Variants in DNAH8 observed in about 807,000 individuals in gnomAD.
DNAH8 encodes axonemal beta dynein heavy chain 8.
In DNAH8, 382 loss-of-function variants were observed where a neutral mutation model predicts 562.1. That is an observed-to-expected ratio of 0.68 (90% CI 0.63 to 0.74). DNAH8 has a LOEUF of 0.74. Among genes scored for constraint, DNAH8 ranks in the 30% least tolerant of loss-of-function variants. The pLI, the probability that DNAH8 is intolerant of heterozygous loss-of-function variation, is 0.00. For synonymous variants in DNAH8, 1,881 were observed against 1,919.4 expected, an observed-to-expected ratio of 0.98 and a Z score of 0.52; for missense variants, 5,203 against 5,620.4, an observed-to-expected ratio of 0.93 and a Z score of 2.37.
intron 83 of DNAH8, among the ~76,000 whole-genome samples, chr6:38,972,795 G>A (rs926896393): frequency 6.6e-6 from 1 of 152,162 alleles, no homozygotes; most frequent in African/African-American, 2.4e-5. Context: ...AACACAGAGT[G>A]GGGAACCAGA....
Position 38,918,083 on chromosome 6 carries a change from T to G in DNAH8, c.10467T>G (p.Ser3489=), listed in dbSNP as rs1256232646. The G allele has an allele frequency of 6.2e-7, 1 of 1,613,902 alleles. No individual in the cohort carries two copies. The highest frequency in any genetic ancestry group is 8.5e-7 in the Non-Finnish European group (1 of 1,179,894). ...GTGGGAATGTGGCTGGTCTCCTGTCTTGGACACTTGCTATGGCAATATTTT... is the reference window on the plus strand; with the variant it reads ...GTGGGAATGTGGCTGGTCTCCTGTCGTGGACACTTGCTATGGCAATATTTT... ...KVCGNVAGLL[S]WTLAMAIFYG... Residue 3489 remains serine, a synonymous_variant, in exon 70 of 93, where the codon TCT becomes TCG. Transcript: ENST00000327475.
intron 53 of DNAH8, among the ~76,000 whole-genome samples, chr6:38,878,421 G>A (rs2395709): frequency 0.43 from 65,937 of 151,790 alleles, 15,238 homozygotes; most frequent in East Asian, 0.84. Context: ...AATAAGTTAG[G>A]AAAAGAAAAG....
At chr6:38,827,712 A>AACTGCAG (rs1773465145) in intron 29 of DNAH8, among the ~76,000 whole-genome samples, 1 of 100,096 alleles carries the variant, frequency 1.0e-5, no homozygotes, top group Non-Finnish European at 2.1e-5. Flanking sequence ...CCTGACTGCA[A>AACTGCAG]AAGCTTAATT....
chr6:38,783,040 G>C lies in DNAH8; in HGVS notation c.2296G>C (p.Ala766Pro). 6.2e-7 allele frequency: 1 copy of C among 1,613,866 alleles called. No homozygotes were observed. The highest frequency in any genetic ancestry group is 8.5e-7 in the Non-Finnish European group (1 of 1,179,786). The change falls in exon 17 of 93, where the codon GCT becomes CCT. Residue 766 changes from alanine to proline, a missense_variant. By Grantham distance (27) the Ala-to-Pro change is conservative. Around this residue, in one of 6 missense-constraint regions of DNAH8, gnomAD observed 2,176 missense variants for 2,365.1 expected, o/e 0.92. Transcript: ENST00000327475. ...SDILSSPDGK[A>P]VIRQYNKISY... is the part of the protein sequence containing the mutation. ...CATTTTATCAAGTCCGGACGGTAAA[G>C]CTGTCATCCGTCAGTATAACAAGAT... is the stretch of plus-strand genomic sequence containing the variant.
chr6:38,966,663 G>T (rs1377555685), intron 82 of DNAH8, among the ~76,000 whole-genome samples: 1 of 152,146 alleles, frequency 6.6e-6, no homozygotes, highest in Non-Finnish European at 1.5e-5. Context: ...AGGAGTATGA[G>T]ATTGGTTAAA....
At chr6:38,954,343 A>G (rs1161533966) in intron 82 of DNAH8, among the ~76,000 whole-genome samples, 1 of 152,240 alleles carries the variant, frequency 6.6e-6, no homozygotes, top group Non-Finnish European at 1.5e-5. Context: ...GGGAAAACTG[A>G]TATAACAATA....
At chr6:38,724,889 G>A (rs1763078706) in intron 3 of DNAH8, among the ~76,000 whole-genome samples, 1 of 152,034 alleles carries the variant, frequency 6.6e-6, no homozygotes, top group Admixed American at 6.5e-5. Flanking sequence ...GGGTGAGGTG[G>A]GGTTGTGGTG....
intron 42 of DNAH8, among the ~76,000 whole-genome samples, chr6:38,858,022 C>T (rs1776339107): frequency 6.6e-6 from 1 of 152,164 alleles, no homozygotes; most frequent in Non-Finnish European, 1.5e-5. Context: ...TAATTTAGGT[C>T]ATAAGCTATG....
At chr6:38,737,671 G>A (rs1305592190) in intron 6 of DNAH8, 138 bp from the exon 7 acceptor site, 3 of 298,580 alleles carry the variant, frequency 1.0e-5, no homozygotes, top group Non-Finnish European at 1.7e-5. Flanking sequence ...AGTAATTAGA[G>A]CTTAAAAGTA....
rs1467547966 is a variant in DNAH8 at position 38,781,362 on chromosome 6, A to G, written c.2248A>G (p.Asn750Asp). The change falls in exon 16 of 93, where the codon AAT (asparagine) becomes GAT (aspartate). Residue 750 changes from asparagine (N) to aspartate (D), a missense_variant. Around this residue, in one of 6 missense-constraint regions of DNAH8, gnomAD observed 2,176 missense variants for 2,365.1 expected, o/e 0.92. Coordinates refer to ENST00000327475, the MANE Select transcript of DNAH8 (RefSeq NM_001206927.2). ...QLYRRISEPI[N>D]YFFKNSDILS... ...CTATCGCCGGATAAGTGAGCCCATC[A>G]ATTATTTCTTTGTAAGCCAAGAATT... 1.9e-6 allele frequency: 3 copies of G among 1,613,040 alleles called. No homozygotes were observed. The East Asian group carries it at 6.7e-5, about 36-fold the overall frequency.
chr6:38,782,322 C>T (rs191378294), intron 16 of DNAH8, among the ~76,000 whole-genome samples: 1 of 151,722 alleles, frequency 6.6e-6, no homozygotes, highest in African/African-American at 2.4e-5. Flanking sequence ...GCTCTCTCGC[C>T]CAGGCTGGAG....
intron 92 of DNAH8, among the ~76,000 whole-genome samples, chr6:39,027,604 G>T (rs950558197): frequency 6.6e-6 from 1 of 152,344 alleles, no homozygotes; most frequent in East Asian, 1.9e-4. Flanking sequence ...AAGGCGGGAG[G>T]ATCACTTGAG....
Position 38,747,391 on chromosome 6 carries a change from T to C in DNAH8, c.1294-3085T>C, listed in dbSNP as rs1179791504. On this transcript the variant is annotated intron_variant, in intron 8 of 92. Transcript: ENST00000327475. ...TTTTCTTTTTTTCTTTTTCTTTTTT[T>C]TTTTTTTTTTTTTGAGGCAAAATCT... 4.3e-3 allele frequency among the ~76,000 whole-genome samples: 631 copies of C among 145,184 alleles called. 2 individuals carry two copies. The highest frequency in any genetic ancestry group is 7.7e-3 in the Admixed American group (112 of 14,608).
intron 52 of DNAH8, among the ~76,000 whole-genome samples, chr6:38,874,989 C>T (rs1039291874): frequency 7.9e-5 from 12 of 152,186 alleles, no homozygotes; most frequent in African/African-American, 2.9e-4. Flanking sequence ...GGCATTGGCA[C>T]ACTTTTTCTT....
chr6:38,788,459 T>C (rs942094818), intron 18 of DNAH8, among the ~76,000 whole-genome samples: 1 of 152,170 alleles, frequency 6.6e-6, no homozygotes, highest in Non-Finnish European at 1.5e-5. Flanking sequence ...CTATTGTTTG[T>C]CATTTTTATG....
At chr6:38,744,125 G>C (rs1240269557) in intron 8 of DNAH8, 1 of 152,118 alleles carries the variant, frequency 6.6e-6, no homozygotes, top group Non-Finnish European at 1.5e-5. Context: ...TGAGCTACTT[G>C]GGAGGCTGAG....
At chr6:38,926,350 A>G (rs913115177) in intron 74 of DNAH8, 140 bp downstream of exon 74, 16 of 846,100 alleles carry the variant, frequency 1.9e-5, no homozygotes, top group Middle Eastern at 3.7e-4. Flanking sequence ...TGTAACAGCA[A>G]TTTGGGGCAA....
chr6:38,943,045 T>C (rs1035062596), intron 79 of DNAH8, among the ~76,000 whole-genome samples: 4 of 152,096 alleles, frequency 2.6e-5, no homozygotes, highest in East Asian at 1.9e-4. Flanking sequence ...TTTCATGAAA[T>C]TGGAGTCAGG....
At chr6:38,796,569 C>T (rs373982576) in intron 21 of DNAH8, among the ~76,000 whole-genome samples, 17 of 152,260 alleles carry the variant, frequency 1.1e-4, no homozygotes, top group African/African-American at 3.4e-4. Flanking sequence ...AGTTAAAGAT[C>T]GACCCCTGAC....
Sources: gnomAD v4.1 joint callset for allele counts (sites outside exome capture counted in the v4.1 genomes callset) on GRCh38, gnomAD v4.1.1 for gene constraint, gnomAD v4.1.1 regional missense constraint, MANE v1.5 for transcripts, NCBI Gene and HGNC (gene_info 2026-07-23, HGNC 2026-07-21) for gene names.